YWHAE: variants seen among roughly 807,000 people sequenced by gnomAD.
YWHAE encodes the protein 14-3-3 protein epsilon.
A neutral mutation model predicts 30.1 loss-of-function variants in YWHAE; 4 were observed. The observed-to-expected ratio is 0.13, with a 90% confidence interval of 0.07 to 0.30. YWHAE has a LOEUF of 0.30. Ranked by LOEUF, YWHAE falls within the 10% of genes least tolerant of loss-of-function variation. YWHAE has a pLI of 1.00. For missense variants in YWHAE, 121 were observed against 315.9 expected (o/e 0.38, Z 4.68); for synonymous variants, 118 against 111.8 (o/e 1.06, Z -0.35).
At chr17:1,383,576 A>ACG (rs2073250389) in intron 1 of YWHAE, among the ~76,000 whole-genome samples, 1 of 62,928 alleles carries the variant, frequency 1.6e-5, no homozygotes, top group African/African-American at 1.9e-4. Flanking sequence ...TTTAGTAGAG[A>ACG]TGGGTTTCGC....
At chr17:1,388,117 G>T (rs151080981) in intron 1 of YWHAE, among the ~76,000 whole-genome samples, 35,926 of 63,974 alleles carry the variant, frequency 0.56, 9,706 homozygotes, top group Non-Finnish European at 0.62. Flanking sequence ...TTTTTTGGTT[G>T]GTTTTTTTTT....
chr17:1,345,076 C>A lies in YWHAE; in HGVS notation c.*371G>T, dbSNP rs2072493282. On this transcript the variant is annotated 3_prime_UTR_variant, in exon 6 of 6. Transcript: ENST00000264335. ...TGCCTCTATAGTGTGATTAACCTCT[C>A]TCTTAGATGCTTGCATCACCTATAA... is the stretch of plus-strand genomic sequence containing the variant. 3.4e-6 allele frequency: 1 copy of A among 296,592 alleles called. No individual in the cohort carries two copies. Among genetic ancestry groups the A allele is most frequent in the Admixed American group, 4.7e-5 (1 of 21,204 alleles). 18.4% of individuals were successfully genotyped at this position (296,592 alleles called of 1,614,324 possible). A position where few individuals can be genotyped will look rare whatever the true frequency, so the allele number is the denominator to read the frequency against.
rs189676984 is a variant in YWHAE at position 1,383,214 on chromosome 17, G to A, written c.64+16833C>T. 4.6e-5 allele frequency among the ~76,000 whole-genome samples: 7 copies of A among 151,596 alleles called. No individual in the cohort carries two copies. The East Asian group carries it at 1.4e-3, about 30-fold the overall frequency. On this transcript the variant is annotated intron_variant, in intron 1 of 5. Transcript: ENST00000264335. ...AAAAATACAAAATTAGACAGGCATG[G>A]TGGCGCATGCCTGTAATCCCAGCTA...
intron 1 of YWHAE, among the ~76,000 whole-genome samples, chr17:1,368,010 G>A (rs1267751656): frequency 1.3e-5 from 2 of 152,138 alleles, no homozygotes; most frequent in Non-Finnish European, 2.9e-5. Context: ...TAGCACTTTG[G>A]GAGGCTGAGG....
At chr17:1,388,124 T>TG (rs2073334266) in intron 1 of YWHAE, among the ~76,000 whole-genome samples, 1 of 113,426 alleles carries the variant, frequency 8.8e-6, no homozygotes, top group African/African-American at 3.8e-5. Flanking sequence ...GTTGGTTTTT[T>TG]TTTTTTTTTT....
chr17:1,364,388 A>G (rs537327471), intron 2 of YWHAE, among the ~76,000 whole-genome samples: 6 of 152,014 alleles, frequency 3.9e-5, no homozygotes, highest in Admixed American at 2.0e-4. Flanking sequence ...CACCACGCCC[A>G]GCTAATGTTT....
chr17:1,393,101 G>A (rs554152502), intron 1 of YWHAE, among the ~76,000 whole-genome samples: 1 of 151,696 alleles, frequency 6.6e-6, no homozygotes, highest in Non-Finnish European at 1.5e-5. Flanking sequence ...CAGCACTCCA[G>A]CCTGGGTGAC....
At chr17:1,356,912 T>TCA (rs2072754626) in intron 4 of YWHAE, among the ~76,000 whole-genome samples, 1 of 151,696 alleles carries the variant, frequency 6.6e-6, no homozygotes, top group Non-Finnish European at 1.5e-5. Flanking sequence ...TGAAAGGCTT[T>TCA]CACTTAAAAA....
chr17:1,346,652 C>T (rs574087850), intron 5 of YWHAE, among the ~76,000 whole-genome samples: 1 of 152,346 alleles, frequency 6.6e-6, no homozygotes, highest in East Asian at 1.9e-4. Flanking sequence ...TCAAAACCCA[C>T]TTACAGCCTC....
intron 1 of YWHAE, among the ~76,000 whole-genome samples, chr17:1,397,590 C>G (rs2073493866): frequency 6.6e-6 from 1 of 152,038 alleles, no homozygotes; most frequent in African/African-American, 2.4e-5. Context: ...AGCTGGAAAC[C>G]CAGCATTTGG....
chr17:1,392,283 G>A (rs941758020), intron 1 of YWHAE, among the ~76,000 whole-genome samples: 1 of 152,208 alleles, frequency 6.6e-6, no homozygotes, highest in South Asian at 2.1e-4. Context: ...GCTGAGATGG[G>A]ATGATCATTT....
intron 5 of YWHAE, chr17:1,347,942 G>A (rs1476524517): frequency 4.0e-6 from 4 of 1,007,994 alleles, no homozygotes; most frequent in South Asian, 9.3e-5. Flanking sequence ...GGAATTCACT[G>A]TGCCATGAAC....
intron 4 of YWHAE, among the ~76,000 whole-genome samples, chr17:1,357,449 G>C (rs910569795): frequency 6.6e-6 from 1 of 151,346 alleles, no homozygotes; most frequent in East Asian, 2.0e-4. Flanking sequence ...GCGTGGTGGC[G>C]GGTGCCTGTA....
chr17:1,387,924 C>T (rs1184869634), intron 1 of YWHAE, among the ~76,000 whole-genome samples: 6 of 75,700 alleles, frequency 7.9e-5, no homozygotes, highest in East Asian at 3.8e-4. Flanking sequence ...CTGCACCTGG[C>T]TTTTTTTTTT....
intron 1 of YWHAE, among the ~76,000 whole-genome samples, chr17:1,366,815 G>A (rs553610603): frequency 2.7e-5 from 4 of 150,108 alleles, no homozygotes; most frequent in Admixed American, 1.3e-4. Flanking sequence ...GGTGGTGCAC[G>A]CTTGTAATCC....
chr17:1,394,461 A>AAAACAAAAAAAAAAAAAAAC (rs2073436784), intron 1 of YWHAE, among the ~76,000 whole-genome samples: 1 of 130,528 alleles, frequency 7.7e-6, no homozygotes, highest in African/African-American at 2.9e-5. Context: ...AAAAAAAAAA[A>AAAACAAAAAAAAAAAAAAAC]CACAAAAATT....
At chr17:1,370,100 G>A (rs1161577314) in intron 1 of YWHAE, among the ~76,000 whole-genome samples, 1 of 143,976 alleles carries the variant, frequency 6.9e-6, no homozygotes, top group Non-Finnish European at 1.5e-5. Context: ...CTGTTGGACA[G>A]CATTTACCCA....
At chr17:1,350,002 G>C (rs557203817) in intron 5 of YWHAE, among the ~76,000 whole-genome samples, 3 of 150,080 alleles carry the variant, frequency 2.0e-5, no homozygotes, top group Non-Finnish European at 4.4e-5. Context: ...GCCCAGGCTG[G>C]AGTGCAACGG....
At chr17:1,394,443 A>AAAAAAAAAAAAAAAAAAAC (rs2073434282) in intron 1 of YWHAE, among the ~76,000 whole-genome samples, 1 of 133,260 alleles carries the variant, frequency 7.5e-6, no homozygotes, top group African/African-American at 2.9e-5. Context: ...CCACAAAAAA[A>AAAAAAAAAAAAAAAAAAAC]AAAAAAAAAA....
Sources: gnomAD v4.1 joint callset for allele counts (sites outside exome capture counted in the v4.1 genomes callset) on GRCh38, gnomAD v4.1.1 for gene constraint, MANE v1.5 for transcripts, NCBI Gene and HGNC (gene_info 2026-07-23, HGNC 2026-07-21) for gene names.